Variants in DMD observed in about 807,000 individuals in gnomAD.
DMD encodes dystrophin.
Under a neutral mutation model 330.1 loss-of-function variants are expected in DMD, and 63 were observed. The observed-to-expected ratio is 0.19, with a 90% confidence interval of 0.16 to 0.24. The LOEUF (loss-of-function observed/expected upper bound fraction) is 0.24. DMD is among the 10% of genes least tolerant of loss of function. The pLI, the probability that DMD is intolerant of heterozygous loss-of-function variation, is 1.00. For synonymous variants in DMD, 1,223 were observed against 959.8 expected (o/e 1.27, Z -5.07); for missense variants, 3,344 against 2,684.1 (o/e 1.25, Z -5.43).
chrX:31,632,764 T>C (rs2079200490), intron 54 of DMD, among the ~76,000 whole-genome samples: 1 of 112,204 alleles, frequency 8.9e-6, no homozygotes, highest in African/African-American at 3.2e-5. Flanking sequence ...CCTGTAACCA[T>C]AACAGTTCCT....
At chrX:32,992,821 G>A (rs768397234) in intron 2 of DMD, among the ~76,000 whole-genome samples, 44 of 103,291 alleles carry the variant, frequency 4.3e-4, no homozygotes, top group African/African-American at 1.5e-3. Context: ...AAGGACAATC[G>A]CTTGAACCCA....
At chrX:31,732,453 G>T (rs1174477049) in intron 51 of DMD, among the ~76,000 whole-genome samples, 1 of 111,372 alleles carries the variant, frequency 9.0e-6, no homozygotes, top group Non-Finnish European at 1.9e-5. Flanking sequence ...GTGGTTAAAA[G>T]AATTTCTTGC....
chrX:31,508,546 A>T, intron 55 of DMD: 1 of 172,761 alleles, frequency 5.8e-6, no homozygotes, highest in Non-Finnish European at 1.1e-5. Context: ...CAGAGACATT[A>T]TAAATTCATT....
At chrX:32,712,105 A>C (rs1214944467) in intron 7 of DMD, among the ~76,000 whole-genome samples, 1 of 112,049 alleles carries the variant, frequency 8.9e-6, no homozygotes, top group African/African-American at 3.2e-5. Context: ...GTGAACTTCA[A>C]AATTAATTTC....
intron 1 of DMD, among the ~76,000 whole-genome samples, chrX:33,197,438 T>G (rs2051009489): frequency 9.0e-6 from 1 of 110,935 alleles, no homozygotes. Flanking sequence ...CTTGTGTGAC[T>G]CTGGTGTGTG....
intron 44 of DMD, among the ~76,000 whole-genome samples, chrX:32,095,589 C>A (rs2096500120): frequency 8.9e-6 from 1 of 112,097 alleles, no homozygotes; most frequent in Admixed American, 9.5e-5. Context: ...CAATAATTCA[C>A]ATCAAAGTAC....
chrX:33,296,877 C>T (rs1025216890), intron 1 of DMD, among the ~76,000 whole-genome samples: 7 of 111,512 alleles, frequency 6.3e-5, no homozygotes, highest in Admixed American at 9.6e-5. Flanking sequence ...CAAAAGCTTA[C>T]ATTCACTTTG....
chrX:31,964,428 A>G, intron 45 of DMD, among the ~76,000 whole-genome samples: 1 of 111,730 alleles, frequency 9.0e-6, no homozygotes, highest in Non-Finnish European at 1.9e-5. Context: ...GGAAATATGA[A>G]TATGGAATGG....
intron 45 of DMD, among the ~76,000 whole-genome samples, chrX:31,967,761 G>A (rs1018145167): frequency 1.8e-5 from 2 of 111,471 alleles, no homozygotes; most frequent in African/African-American, 6.5e-5. Context: ...GGCTTTCTGT[G>A]CCTTCAATAC....
chrX:32,347,296 A>G (rs1171321471), intron 38 of DMD, among the ~76,000 whole-genome samples: 1 of 111,983 alleles, frequency 8.9e-6, no homozygotes, highest in Non-Finnish European at 1.9e-5. Flanking sequence ...CAAAAACAAC[A>G]AAAAATTAAA....
chrX:32,530,542 A>G (rs1396247979), intron 17 of DMD, among the ~76,000 whole-genome samples: 4 of 112,475 alleles, frequency 3.6e-5, no homozygotes, highest in African/African-American at 9.7e-5. Flanking sequence ...TCACATTTAT[A>G]AGTTTTGTTT....
intron 22 of DMD, 33 bp from the exon 23 acceptor site, chrX:32,468,743 A>G (rs1315486947): frequency 3.7e-6 from 4 of 1,082,138 alleles, no homozygotes; most frequent in Middle Eastern, 2.8e-4. Context: ...CATTTACCCT[A>G]ATTGATGAAT....
chrX:32,022,666 G>A (rs891345042), intron 44 of DMD, among the ~76,000 whole-genome samples: 3 of 111,878 alleles, frequency 2.7e-5, no homozygotes, highest in African/African-American at 9.7e-5. Flanking sequence ...AGTTTATATA[G>A]ATTCAATGGA....
chrX:32,166,583 C>A (rs1358420215), intron 44 of DMD, among the ~76,000 whole-genome samples: 1 of 111,944 alleles, frequency 8.9e-6, no homozygotes, highest in African/African-American at 3.2e-5. Context: ...TTATTTTCTC[C>A]TTTCCTAACT....
chrX:31,646,592 C>T (rs1052950370), intron 54 of DMD, among the ~76,000 whole-genome samples: 3 of 111,438 alleles, frequency 2.7e-5, no homozygotes, highest in African/African-American at 9.8e-5. Flanking sequence ...CTGCCAAGAC[C>T]TCATGCCCTA....
At chrX:32,865,063 T>TA (rs1253286274) in intron 2 of DMD, among the ~76,000 whole-genome samples, 1 of 111,662 alleles carries the variant, frequency 9.0e-6, no homozygotes, top group Non-Finnish European at 1.9e-5. Flanking sequence ...TACAGTTCTA[T>TA]AATTTAAATT....
At chrX:32,668,291 G>A (rs1010393131) in intron 9 of DMD, among the ~76,000 whole-genome samples, 1 of 112,317 alleles carries the variant, frequency 8.9e-6, no homozygotes, top group Non-Finnish European at 1.9e-5. Context: ...AACACCCTCA[G>A]TGTATACACT....
chrX:32,410,690 C>G (rs1037384072), intron 30 of DMD, among the ~76,000 whole-genome samples: 2 of 111,562 alleles, frequency 1.8e-5, no homozygotes, highest in Admixed American at 9.6e-5. Flanking sequence ...AAAAGCAGAT[C>G]TAGTAATTGC....
chrX:32,508,977 A>AT (rs1179960568), intron 18 of DMD, among the ~76,000 whole-genome samples: 2 of 108,694 alleles, frequency 1.8e-5, no homozygotes, highest in African/African-American at 3.4e-5. Flanking sequence ...TGCCCGGCTA[A>AT]TTTTTTGTAT....
Sources: allele counts gnomAD v4.1 joint callset (sites outside exome capture counted in the v4.1 genomes callset), GRCh38; gene constraint gnomAD v4.1.1; transcripts MANE v1.5; gene names NCBI Gene and HGNC (gene_info 2026-07-23, HGNC 2026-07-21).